NALCN: variants seen among roughly 807,000 people sequenced by gnomAD.
The protein encoded by NALCN is sodium leak channel NALCN.
Under a neutral mutation model 225.3 loss-of-function variants are expected in NALCN, and 111 were observed. That is an observed-to-expected ratio of 0.49 (90% confidence interval 0.42 to 0.58). NALCN has a LOEUF of 0.58. Among genes scored for constraint, NALCN ranks in the 20% least tolerant of loss-of-function variants. The pLI is 0.00. For synonymous variants in NALCN, 764 were observed against 769.0 expected, an observed-to-expected ratio of 0.99 and a Z score of 0.11; for missense variants, 1,378 against 2,202.4, an observed-to-expected ratio of 0.63 and a Z score of 7.49.
chr13:101,186,907 C>T (rs2139986751), intron 14 of NALCN, among the ~76,000 whole-genome samples: 1 of 152,136 alleles, frequency 6.6e-6, no homozygotes, highest in South Asian at 2.1e-4. Context: ...TTTGTATTAC[C>T]TCAGGTGGGA....
intron 9 of NALCN, among the ~76,000 whole-genome samples, chr13:101,286,624 AT>A (rs1264587951): frequency 2.0e-5 from 3 of 152,092 alleles, no homozygotes; most frequent in Non-Finnish European, 4.4e-5. Context: ...TAAGCAACTT[AT>A]TTTGGGCTTT....
intron 6 of NALCN, among the ~76,000 whole-genome samples, chr13:101,375,109 C>T (rs1241413075): frequency 2.0e-5 from 3 of 151,798 alleles, no homozygotes; most frequent in Non-Finnish European, 4.4e-5. Flanking sequence ...TTGCTCTTTC[C>T]TTTTTTTTAA....
intron 7 of NALCN, among the ~76,000 whole-genome samples, chr13:101,315,876 A>T (rs2044534664): frequency 2.3e-5 from 1 of 43,788 alleles, no homozygotes; most frequent in Non-Finnish European, 4.5e-5. Context: ...CCTCCTTTTA[A>T]GCTACCAAGC....
intron 39 of NALCN, among the ~76,000 whole-genome samples, chr13:101,066,323 A>G (rs75248841): frequency 6.6e-6 from 1 of 151,708 alleles, no homozygotes; most frequent in Non-Finnish European, 1.5e-5. Flanking sequence ...AAAAAAAAAA[A>G]AGAGCTAACT....
chr13:101,191,426 T>C (rs547181271), intron 14 of NALCN, among the ~76,000 whole-genome samples: 69 of 152,218 alleles, frequency 4.5e-4, no homozygotes, highest in Non-Finnish European at 9.1e-4. Flanking sequence ...TTTTTTTCCA[T>C]GTGTTTTTTT....
intron 13 of NALCN, among the ~76,000 whole-genome samples, chr13:101,228,948 T>C (rs1032238495): frequency 6.6e-6 from 1 of 152,190 alleles, no homozygotes; most frequent in East Asian, 1.9e-4. Flanking sequence ...TGAGAGACAT[T>C]TAAAATCTGA....
At chr13:101,140,385 C>T (rs961499288) in intron 17 of NALCN, among the ~76,000 whole-genome samples, 3 of 152,138 alleles carry the variant, frequency 2.0e-5, no homozygotes, top group Non-Finnish European at 4.4e-5. Flanking sequence ...GAAACAATCA[C>T]ATTTCCTTTT....
intron 18 of NALCN, among the ~76,000 whole-genome samples, chr13:101,113,700 A>G (rs1294609893): frequency 6.6e-6 from 1 of 152,274 alleles, no homozygotes; most frequent in Non-Finnish European, 1.5e-5. Flanking sequence ...ACAGACTGAT[A>G]TAAATGGGCT....
chr13:101,356,707 G>A (rs2046073089), intron 6 of NALCN, among the ~76,000 whole-genome samples: 1 of 152,032 alleles, frequency 6.6e-6, no homozygotes, highest in Non-Finnish European at 1.5e-5. Flanking sequence ...ATCCCGATAC[G>A]AAAACCTGGC....
At chr13:101,358,830 G>T (rs542411528) in intron 6 of NALCN, among the ~76,000 whole-genome samples, 2 of 152,166 alleles carry the variant, frequency 1.3e-5, no homozygotes, top group African/African-American at 2.4e-5. Context: ...CTAAGAAAAT[G>T]TGGGACATAT....
rs540434101 is a variant in NALCN, at chr13:101,068,260, A to G, written c.4331-227T>C. 2.8e-3 allele frequency among the ~76,000 whole-genome samples: 427 copies of G among 152,270 alleles called. 3 individuals carry two copies. The highest frequency in any genetic ancestry group is 9.4e-3 in the African/African-American group (391 of 41,532). The stretch of plus-strand genomic sequence containing the variant: ...ATGAGGGTCGTAAGCACAAACACAC[A>G]TTCTGTGTATAGAGATAGTCATGCC... On this transcript the variant is annotated intron_variant, in intron 38 of 43. Coordinates refer to ENST00000251127, the MANE Select transcript of NALCN (RefSeq NM_052867.4).
intron 12 of NALCN, among the ~76,000 whole-genome samples, chr13:101,236,226 C>T (rs1471789714): frequency 6.6e-6 from 1 of 152,150 alleles, no homozygotes; most frequent in Non-Finnish European, 1.5e-5. Context: ...CCATCTCACA[C>T]CAGTTAGAAT....
At chr13:101,152,458 A>G (rs1200869040) in intron 15 of NALCN, among the ~76,000 whole-genome samples, 56 of 152,146 alleles carry the variant, frequency 3.7e-4, no homozygotes, top group Admixed American at 3.7e-3. Flanking sequence ...TAAAATGTTT[A>G]CTTTCATGCT....
intron 15 of NALCN, 151 bp from the exon 16 acceptor site, chr13:101,145,047 C>A: frequency 1.3e-6 from 1 of 768,252 alleles, no homozygotes; most frequent in Non-Finnish European, 1.8e-6. Context: ...CCTCTCTTGC[C>A]CGCCATAAAT....
At chr13:101,281,467 C>T (rs1032377558) in intron 10 of NALCN, among the ~76,000 whole-genome samples, 1 of 152,080 alleles carries the variant, frequency 6.6e-6, no homozygotes, top group Non-Finnish European at 1.5e-5. Context: ...GAAGCTAGTA[C>T]TATAATCTTT....
intron 11 of NALCN, among the ~76,000 whole-genome samples, chr13:101,245,409 T>A (rs567556391): frequency 1.3e-5 from 2 of 152,364 alleles, no homozygotes; most frequent in East Asian, 1.9e-4. Flanking sequence ...AATCTTTTTT[T>A]AAATCACCTC....
At chr13:101,061,313 C>G (rs2031916599) in intron 41 of NALCN, among the ~76,000 whole-genome samples, 1 of 151,736 alleles carries the variant, frequency 6.6e-6, no homozygotes, top group Non-Finnish European at 1.5e-5. Context: ...TTTGCAAATT[C>G]AATATGTGGA....
intron 6 of NALCN, among the ~76,000 whole-genome samples, chr13:101,363,066 C>T (rs1227836773): frequency 1.3e-5 from 2 of 151,858 alleles, no homozygotes; most frequent in Non-Finnish European, 2.9e-5. Flanking sequence ...AAAACTATAA[C>T]ACTCTGATGA....
chr13:101,310,392 G>A (rs1031609698), intron 7 of NALCN, among the ~76,000 whole-genome samples: 1 of 151,934 alleles, frequency 6.6e-6, no homozygotes, highest in Non-Finnish European at 1.5e-5. Context: ...GAGAGCATGG[G>A]GCATGCTTCC....
Sources: gnomAD v4.1 joint callset for allele counts (sites outside exome capture counted in the v4.1 genomes callset) on GRCh38, gnomAD v4.1.1 for gene constraint, MANE v1.5 for transcripts, NCBI Gene and HGNC (gene_info 2026-07-23, HGNC 2026-07-21) for gene names.